PHACTR1: variants seen among roughly 807,000 people sequenced by gnomAD.
PHACTR1 encodes the protein RPEL repeat containing 1.
PHACTR1 carries 16 observed loss-of-function variants against 69.2 expected under a neutral mutation model. The ratio of observed to expected loss-of-function variants is 0.23; its 90% CI spans 0.16 to 0.35. The LOEUF is 0.35. Among genes scored for constraint, PHACTR1 ranks in the 10% least tolerant of loss-of-function variants. PHACTR1 has a pLI of 1.00. For synonymous variants in PHACTR1, 312 were observed against 284.5 expected (o/e 1.10, Z -0.97); for missense variants, 510 against 734.7 (o/e 0.69, Z 3.54).
chr6:13,285,369 T>C (rs899652615), intron 13 of PHACTR1, among the ~76,000 whole-genome samples: 1 of 152,196 alleles, frequency 6.6e-6, no homozygotes, highest in African/African-American at 2.4e-5. Flanking sequence ...GGGGCCTTGA[T>C]ATTCCCATCA....
intron 8 of PHACTR1, among the ~76,000 whole-genome samples, chr6:13,213,645 C>T (rs1767216877): frequency 6.6e-6 from 1 of 152,138 alleles, no homozygotes; most frequent in African/African-American, 2.4e-5. Flanking sequence ...GCCATGAGGG[C>T]TCCTCCCTCA....
chr6:13,108,975 T>G (rs185788986), intron 5 of PHACTR1, among the ~76,000 whole-genome samples: 73 of 152,158 alleles, frequency 4.8e-4, no homozygotes, highest in African/African-American at 1.7e-3. Context: ...CTCTATTCCT[T>G]TGTTATATTA....
intron 3 of PHACTR1, among the ~76,000 whole-genome samples, chr6:12,744,693 A>G (rs964643086): frequency 4.6e-5 from 7 of 152,224 alleles, no homozygotes; most frequent in Non-Finnish European, 8.8e-5. Context: ...CCAAAGGAAT[A>G]AAAGAATAGC....
At chr6:13,129,258 C>T (rs759072160) in intron 5 of PHACTR1, among the ~76,000 whole-genome samples, 1 of 151,990 alleles carries the variant, frequency 6.6e-6, no homozygotes, top group East Asian at 1.9e-4. Context: ...AAAAAAAACA[C>T]GAGGTATTAA....
chr6:13,014,456 C>T (rs1293224087), intron 4 of PHACTR1, among the ~76,000 whole-genome samples: 1 of 152,186 alleles, frequency 6.6e-6, no homozygotes, highest in African/African-American at 2.4e-5. Context: ...GTAGCAAAAG[C>T]GCTGACTCCT....
chr6:12,734,492 G>A (rs1425630048), intron 3 of PHACTR1, among the ~76,000 whole-genome samples: 1 of 152,140 alleles, frequency 6.6e-6, no homozygotes, highest in Admixed American at 6.5e-5. Flanking sequence ...TAAGTGACCT[G>A]CATGAAATCA....
intron 10 of PHACTR1, among the ~76,000 whole-genome samples, chr6:13,270,835 C>T (rs1031194661): frequency 1.3e-5 from 2 of 151,978 alleles, no homozygotes; most frequent in African/African-American, 2.4e-5. Flanking sequence ...TTAATTGGCT[C>T]ATGGTTCTGC....
intron 4 of PHACTR1, among the ~76,000 whole-genome samples, chr6:13,004,132 ACT>A (rs1301394330): frequency 1.3e-5 from 2 of 151,184 alleles, no homozygotes; most frequent in Non-Finnish European, 2.9e-5. Flanking sequence ...TTGTGTATAC[ACT>A]CAGTAGTAGG....
rs112930877 is a variant in PHACTR1, at chr6:13,001,613, G to C, written c.251-51752G>C. On this transcript the variant is annotated intron_variant, in intron 4 of 14. Coordinates refer to ENST00000332995, the MANE Select transcript of PHACTR1 (RefSeq NM_030948.6). ...TGAAATTCAGTTTCTCCCAGAAAAG[G>C]TCAATCTCTCCCTTTTCTTGATTCA... Among the ~76,000 whole-genome samples, 477 of 152,284 alleles carry C rather than the reference G, an allele frequency of 3.1e-3. 2 individuals are homozygous for C. Among genetic ancestry groups the C allele is most frequent in the African/African-American group, 0.011 (449 of 41,562 alleles).
At chr6:12,932,967 A>G (rs563737421) in intron 4 of PHACTR1, among the ~76,000 whole-genome samples, 1 of 136,064 alleles carries the variant, frequency 7.3e-6, no homozygotes, top group East Asian at 2.1e-4. Context: ...ATTGAGTCTC[A>G]CTCTGTCATG....
intron 3 of PHACTR1, among the ~76,000 whole-genome samples, chr6:12,734,952 T>C (rs951899959): frequency 2.0e-5 from 3 of 152,246 alleles, no homozygotes; most frequent in Admixed American, 6.5e-5. Flanking sequence ...CCCACAGTTA[T>C]TACTTTTCTA....
At chr6:12,909,175 C>T (rs1786083704) in intron 4 of PHACTR1, among the ~76,000 whole-genome samples, 1 of 152,108 alleles carries the variant, frequency 6.6e-6, no homozygotes, top group South Asian at 2.1e-4. Context: ...CTTAAAGACT[C>T]CAACTTTTTC....
intron 5 of PHACTR1, among the ~76,000 whole-genome samples, chr6:13,114,049 A>C (rs1817446104): frequency 6.6e-6 from 1 of 152,182 alleles, no homozygotes; most frequent in Non-Finnish European, 1.5e-5. Context: ...CACAGGGCAG[A>C]TTTCTGGTCC....
At chr6:13,254,293 G>A (rs1206770354) in intron 10 of PHACTR1, among the ~76,000 whole-genome samples, 8 of 152,110 alleles carry the variant, frequency 5.3e-5, no homozygotes, top group African/African-American at 1.9e-4. Context: ...AATTAATTGA[G>A]GTAATTTGCA....
intron 4 of PHACTR1, among the ~76,000 whole-genome samples, chr6:12,858,608 C>G (rs564536174): frequency 1.3e-5 from 2 of 151,898 alleles, no homozygotes; most frequent in East Asian, 3.9e-4. Flanking sequence ...GCCTGGGTAA[C>G]ATAGTGAGAC....
chr6:13,148,746 G>A (rs1382682591), intron 5 of PHACTR1, among the ~76,000 whole-genome samples: 4 of 152,180 alleles, frequency 2.6e-5, no homozygotes, highest in African/African-American at 9.7e-5. Flanking sequence ...ATTTTCAGAA[G>A]ACAAGCCTAA....
At position 13,239,970 on chromosome 6, in the gene PHACTR1, G is replaced by A. The variant is rs188609440; in HGVS notation, c.1391+9777G>A. 1.9e-3 allele frequency among the ~76,000 whole-genome samples: 285 copies of A among 152,050 alleles called. 1 individual carries two copies. The highest frequency in any genetic ancestry group is 4.3e-3 in the Admixed American group (65 of 15,264). ...AGTCTGTACATTTTTCAGTGATACA[G>A]TAAGTGTGGTGGACAAAGAGCTGCC... On this transcript the variant is annotated intron_variant, in intron 10 of 14. Coordinates refer to ENST00000332995, the MANE Select transcript of PHACTR1 (RefSeq NM_030948.6).
chr6:13,018,294 A>G (rs1800466333), intron 4 of PHACTR1, among the ~76,000 whole-genome samples: 1 of 152,182 alleles, frequency 6.6e-6, no homozygotes, highest in Non-Finnish European at 1.5e-5. Context: ...GGCTGCTAAC[A>G]GAACCTGTCC....
At chr6:12,733,908 TA>T (rs57163385) in intron 3 of PHACTR1, among the ~76,000 whole-genome samples, 46,004 of 151,934 alleles carry the variant, frequency 0.3, 7,764 homozygotes, top group Middle Eastern at 0.44. Flanking sequence ...TACTATCAAG[TA>T]AGATTGGAAA....
Sources: gnomAD v4.1 joint callset for allele counts (sites outside exome capture counted in the v4.1 genomes callset) on GRCh38, gnomAD v4.1.1 for gene constraint, MANE v1.5 for transcripts, NCBI Gene and HGNC (gene_info 2026-07-23, HGNC 2026-07-21) for gene names.